Variants in TTC17 observed in about 807,000 individuals in gnomAD.
TTC17 encodes the protein tetratricopeptide repeat domain 17.
Under a neutral mutation model 143.8 loss-of-function variants are expected in TTC17, and 58 were observed. The observed-to-expected ratio is 0.40, with a 90% CI of 0.33 to 0.50. TTC17 has a LOEUF of 0.50. Ranked by LOEUF, TTC17 falls within the 20% of genes least tolerant of loss-of-function variation. TTC17 has a pLI of 0.49. For synonymous variants in TTC17, 501 were observed against 497.8 expected, an observed-to-expected ratio of 1.01 and a Z score of -0.09; for missense variants, 1,273 against 1,392.5, an observed-to-expected ratio of 0.91 and a Z score of 1.37.
At chr11:43,430,995 G>C (rs1286206378) in intron 16 of TTC17, among the ~76,000 whole-genome samples, 1 of 152,056 alleles carries the variant, frequency 6.6e-6, no homozygotes, top group African/African-American at 2.4e-5. Flanking sequence ...TCATTGTTCA[G>C]CTCCCACTTA....
intron 9 of TTC17, among the ~76,000 whole-genome samples, chr11:43,400,420 C>T (rs909393870): frequency 6.6e-6 from 1 of 152,052 alleles, no homozygotes; most frequent in Non-Finnish European, 1.5e-5. Context: ...GCCTGAGAGT[C>T]TGCCTTCCTA....
At chr11:43,437,773 A>G (rs1947324805) in intron 16 of TTC17, among the ~76,000 whole-genome samples, 2 of 152,214 alleles carry the variant, frequency 1.3e-5, no homozygotes, top group Admixed American at 6.5e-5. Context: ...ATCAGTAAAC[A>G]TCTGTTCAGT....
chr11:43,397,903 TGTG>T (rs1857674229), intron 7 of TTC17, 68 bp from the exon 8 acceptor site: 4 of 49,264 alleles, frequency 8.1e-5, no homozygotes, highest in Non-Finnish European at 7.8e-5. Flanking sequence ...TTTTTTTCCG[TGTG>T]TGTGTGTGTG....
At chr11:43,455,497 A>C (rs1393453793) in intron 21 of TTC17, among the ~76,000 whole-genome samples, 2 of 152,102 alleles carry the variant, frequency 1.3e-5, no homozygotes, top group African/African-American at 4.8e-5. Context: ...TGCCAAAATA[A>C]AATTCGAAAG....
At chr11:43,463,444 T>G (rs1388192921) in intron 21 of TTC17, among the ~76,000 whole-genome samples, 2 of 151,788 alleles carry the variant, frequency 1.3e-5, no homozygotes, top group Non-Finnish European at 2.9e-5. Context: ...ATAAATAGCT[T>G]TCATATATAC....
chr11:43,416,491 C>T (rs1946782946), intron 16 of TTC17, among the ~76,000 whole-genome samples: 1 of 152,046 alleles, frequency 6.6e-6, no homozygotes, highest in Non-Finnish European at 1.5e-5. Context: ...TAACTCATGT[C>T]AAAAGAGGGA....
At chr11:43,368,691 A>C (rs192798978) in intron 1 of TTC17, among the ~76,000 whole-genome samples, 1 of 152,330 alleles carries the variant, frequency 6.6e-6, no homozygotes, top group East Asian at 1.9e-4. Context: ...CTTAAAAAGC[A>C]CAGCTGGTCA....
chr11:43,394,084 A>T (rs1203326985), intron 5 of TTC17, among the ~76,000 whole-genome samples: 1 of 152,178 alleles, frequency 6.6e-6, no homozygotes, highest in Non-Finnish European at 1.5e-5. Flanking sequence ...TTTAGCCTTT[A>T]TCCACTCCTC....
At chr11:43,376,867 A>G (rs1337615099) in intron 1 of TTC17, among the ~76,000 whole-genome samples, 1 of 152,236 alleles carries the variant, frequency 6.6e-6, no homozygotes, top group Non-Finnish European at 1.5e-5. Context: ...CATAGAGTAT[A>G]CTTAAACACA....
chr11:43,370,630 A>G (rs1856527989), intron 1 of TTC17, among the ~76,000 whole-genome samples: 1 of 152,214 alleles, frequency 6.6e-6, no homozygotes, highest in Non-Finnish European at 1.5e-5. Context: ...TGGATAGCAC[A>G]TTAAAAAAAA....
intron 1 of TTC17, among the ~76,000 whole-genome samples, chr11:43,372,568 G>A (rs373258485): frequency 9.9e-5 from 15 of 151,888 alleles, no homozygotes; most frequent in African/African-American, 3.1e-4. Context: ...CTGGCTCACT[G>A]CAACCTCCAC....
At chr11:43,394,374 A>G (rs906548594) in intron 5 of TTC17, among the ~76,000 whole-genome samples, 2 of 152,244 alleles carry the variant, frequency 1.3e-5, no homozygotes, top group African/African-American at 2.4e-5. Context: ...TTTGATTACT[A>G]TATGAAGAAG....
rs1947488725 is a variant in TTC17 at position 43,444,199 on chromosome 11, T to A, written c.2655T>A (p.Pro885=). The change falls in exon 18 of 24, where the codon CCT becomes CCA. Residue 885 remains proline, a synonymous_variant. Coordinates refer to ENST00000039989, the MANE Select transcript of TTC17 (RefSeq NM_018259.6). ...TCACTGGCCCCAAGGTGGCATCTCC[T>A]GGGCCACAAGGTAAATTTGAATGTT... The part of the protein sequence containing the change: ...LEITGPKVAS[P]GPQGKKRDYQ... 3 of 1,601,296 alleles carry A rather than the reference T, an allele frequency of 1.9e-6. No individual in the cohort carries two copies. Among genetic ancestry groups the A allele is most frequent in the Non-Finnish European group, 2.5e-6 (3 of 1,176,498 alleles).
intron 5 of TTC17, among the ~76,000 whole-genome samples, chr11:43,395,101 T>G (rs946663941): frequency 6.9e-6 from 1 of 145,358 alleles, no homozygotes; most frequent in Non-Finnish European, 1.5e-5. Context: ...ATGTAGAACT[T>G]TTTTTTTTTT....
At chr11:43,432,780 G>A (rs1947187925) in intron 16 of TTC17, among the ~76,000 whole-genome samples, 1 of 150,628 alleles carries the variant, frequency 6.6e-6, no homozygotes, top group African/African-American at 2.4e-5. Context: ...TTCCACAAAG[G>A]CAACTTTTTT....
At chr11:43,393,724 TC>T in intron 5 of TTC17, among the ~76,000 whole-genome samples, 1 of 152,290 alleles carries the variant, frequency 6.6e-6, no homozygotes, top group South Asian at 2.1e-4. Context: ...CCTCCAGTCA[TC>T]CCATTAGCAT....
intron 5 of TTC17, among the ~76,000 whole-genome samples, chr11:43,392,382 T>A (rs1857425019): frequency 6.6e-6 from 1 of 151,966 alleles, no homozygotes; most frequent in African/African-American, 2.4e-5. Flanking sequence ...CTATCTACTT[T>A]AAAAAAAATG....
At chr11:43,456,380 A>G (rs1947764386) in intron 21 of TTC17, among the ~76,000 whole-genome samples, 1 of 152,218 alleles carries the variant, frequency 6.6e-6, no homozygotes. Context: ...TAATAAAATC[A>G]TATGTCTGGA....
chr11:43,391,599 T>C (rs1416411632), intron 4 of TTC17, 23 bp downstream of exon 4: 1 of 1,329,778 alleles, frequency 7.5e-7, no homozygotes, highest in Non-Finnish European at 9.8e-7. Flanking sequence ...CTTTAGGATT[T>C]TTTTTTTTTT....
Sources: allele counts gnomAD v4.1 joint callset (sites outside exome capture counted in the v4.1 genomes callset), GRCh38; gene constraint gnomAD v4.1.1; transcripts MANE v1.5; gene names NCBI Gene and HGNC (gene_info 2026-07-23, HGNC 2026-07-21).